GALNTL6: variants seen among roughly 807,000 people sequenced by gnomAD.
The protein encoded by GALNTL6 is polypeptide N-acetylgalactosaminyltransferase like 6.
GALNTL6 carries 46 observed loss-of-function variants against 73.7 expected under a neutral mutation model. That is an observed-to-expected ratio of 0.62 (90% CI 0.49 to 0.80). The LOEUF is 0.80. Ranked by LOEUF, GALNTL6 falls within the 30% of genes least tolerant of loss-of-function variation. The pLI, the probability that GALNTL6 is intolerant of heterozygous loss-of-function variation, is 0.00. For missense variants in GALNTL6, 604 were observed against 755.0 expected, an observed-to-expected ratio of 0.80 and a Z score of 2.34; for synonymous variants, 259 against 263.7, an observed-to-expected ratio of 0.98 and a Z score of 0.17.
intron 5 of GALNTL6, among the ~76,000 whole-genome samples, chr4:172,784,832 C>A (rs559697750): frequency 6.6e-6 from 1 of 152,246 alleles, no homozygotes; most frequent in African/African-American, 2.4e-5. Context: ...AAAGCTTTCA[C>A]AAACATAATT....
chr4:172,346,988 C>CTTTTTTTTTTTTTTTTTTTTTTTTTT (rs34332250), intron 4 of GALNTL6, among the ~76,000 whole-genome samples: 1 of 114,410 alleles, frequency 8.7e-6, no homozygotes, highest in African/African-American at 3.5e-5. Context: ...TGTTTTCTTT[C>CTTTTTTTTTTTTTTTTTTTTTTTTTT]TTTTTTTTTT....
At chr4:171,985,740 T>TTATATATATATATATA (rs144030359) in intron 2 of GALNTL6, among the ~76,000 whole-genome samples, 15 of 148,114 alleles carry the variant, frequency 1.0e-4, no homozygotes, top group African/African-American at 3.5e-4. Context: ...CTCTATAAAA[T>TTATATATATATATATA]TATATATATA....
intron 5 of GALNTL6, among the ~76,000 whole-genome samples, chr4:172,352,251 T>C (rs1741968339): frequency 6.6e-6 from 1 of 152,164 alleles, no homozygotes; most frequent in South Asian, 2.1e-4. Context: ...GCATATTCCA[T>C]CTTGCAGTTC....
chr4:172,350,044 C>T (rs1741890467), intron 5 of GALNTL6, among the ~76,000 whole-genome samples: 1 of 151,980 alleles, frequency 6.6e-6, no homozygotes, highest in South Asian at 2.1e-4. Context: ...TCAAAGCAGT[C>T]ATCATTATTA....
At chr4:172,210,555 T>C (rs1736287544) in intron 2 of GALNTL6, among the ~76,000 whole-genome samples, 1 of 152,128 alleles carries the variant, frequency 6.6e-6, no homozygotes, top group Admixed American at 6.5e-5. Flanking sequence ...TAGATGGGAT[T>C]ATGTGTTTGG....
At chr4:171,882,004 G>T (rs1041547632) in intron 2 of GALNTL6, among the ~76,000 whole-genome samples, 2 of 152,046 alleles carry the variant, frequency 1.3e-5, no homozygotes, top group African/African-American at 4.8e-5. Flanking sequence ...ATATAAATTT[G>T]ACCTTTGAGA....
Position 172,705,412 on chromosome 4 carries a change from C to A in GALNTL6, c.554-103949C>A, listed in dbSNP as rs368517529. Among the ~76,000 whole-genome samples, 656 of 150,096 alleles carry A rather than the reference C, an allele frequency of 4.4e-3. 7 individuals carry two copies. Among genetic ancestry groups the A allele is most frequent in the African/African-American group, 0.015 (608 of 40,636 alleles). On this transcript the variant is annotated intron_variant, in intron 5 of 12. Transcript: ENST00000506823. Reference sequence around the variant, plus strand: ...TAACAAAGTTATTTTAAACGGATAACAACTTTATTTTGATCATAAAGAAAA... The same window carrying A: ...TAACAAAGTTATTTTAAACGGATAAAAACTTTATTTTGATCATAAAGAAAA...
intron 3 of GALNTL6, among the ~76,000 whole-genome samples, chr4:172,308,693 A>T (rs982282057): frequency 6.6e-6 from 1 of 152,156 alleles, no homozygotes; most frequent in African/African-American, 2.4e-5. Context: ...AATGACATAG[A>T]TCTAGTTAAA....
chr4:173,022,477 T>C (rs1474146445), intron 12 of GALNTL6, among the ~76,000 whole-genome samples: 1 of 152,242 alleles, frequency 6.6e-6, no homozygotes, highest in Non-Finnish European at 1.5e-5. Flanking sequence ...AAACCACGCA[T>C]ACATAATTTT....
At chr4:172,136,234 A>G (rs1733632734) in intron 2 of GALNTL6, among the ~76,000 whole-genome samples, 1 of 152,050 alleles carries the variant, frequency 6.6e-6, no homozygotes, top group Non-Finnish European at 1.5e-5. Context: ...AAAATCTGAA[A>G]CTATTTGATA....
intron 5 of GALNTL6, 84 bp downstream of exon 5, chr4:172,348,773 C>A: frequency 1.2e-6 from 1 of 827,694 alleles, no homozygotes; most frequent in Non-Finnish European, 1.8e-6. Flanking sequence ...ACAATGGGAG[C>A]TTCTTTCTGA....
intron 10 of GALNTL6, among the ~76,000 whole-genome samples, chr4:172,958,820 G>A (rs1175189987): frequency 6.6e-6 from 1 of 152,130 alleles, no homozygotes; most frequent in East Asian, 1.9e-4. Context: ...CTGGGGTGAA[G>A]GGTACAAAGC....
intron 2 of GALNTL6, among the ~76,000 whole-genome samples, chr4:171,857,405 A>G (rs1007650520): frequency 2.0e-5 from 3 of 152,110 alleles, no homozygotes; most frequent in African/African-American, 7.2e-5. Flanking sequence ...GGTAAGAAAA[A>G]ATGTTTCAGA....
chr4:172,256,338 C>G (rs1040146633), intron 3 of GALNTL6, among the ~76,000 whole-genome samples: 15 of 151,404 alleles, frequency 9.9e-5, no homozygotes, highest in African/African-American at 3.6e-4. Context: ...TCTAGAATAG[C>G]CTCCTGTCTC....
At chr4:172,540,480 T>C (rs147783485) in intron 5 of GALNTL6, among the ~76,000 whole-genome samples, 4 of 152,216 alleles carry the variant, frequency 2.6e-5, no homozygotes, top group African/African-American at 9.6e-5. Context: ...ATAAAAAATA[T>C]TGTAAAGAGG....
chr4:171,926,479 A>C (rs973209781), intron 2 of GALNTL6, among the ~76,000 whole-genome samples: 2 of 152,096 alleles, frequency 1.3e-5, no homozygotes, highest in African/African-American at 4.8e-5. Flanking sequence ...TTAATGTGTT[A>C]GAATTCCAAC....
intron 5 of GALNTL6, chr4:172,380,512 C>A: frequency 2.3e-6 from 1 of 432,236 alleles, no homozygotes; most frequent in South Asian, 2.2e-5. Context: ...AGTTGGGTCT[C>A]TGGTCTCTAA....
chr4:172,985,821 C>T lies in GALNTL6; in HGVS notation c.1372-23357C>T, dbSNP rs536828509. 3.9e-5 allele frequency among the ~76,000 whole-genome samples: 6 copies of T among 152,292 alleles called. No homozygotes were observed. In the South Asian group the frequency reaches 1.0e-3, roughly 26 times the overall value. ...TTCAGGATCTGAAAAATACCTCAAA[C>T]ATCAATCTTAGGTTTTACAGTAGTG... On this transcript the variant is annotated intron_variant, in intron 10 of 12. Coordinates refer to ENST00000506823, the MANE Select transcript of GALNTL6 (RefSeq NM_001034845.3).
intron 5 of GALNTL6, among the ~76,000 whole-genome samples, chr4:172,805,682 A>G (rs1239839500): frequency 6.6e-6 from 1 of 152,224 alleles, no homozygotes; most frequent in Non-Finnish European, 1.5e-5. Context: ...GAAGTTCAAA[A>G]GTGATCTTCA....
Sources: allele counts gnomAD v4.1 joint callset (sites outside exome capture counted in the v4.1 genomes callset), GRCh38; gene constraint gnomAD v4.1.1; transcripts MANE v1.5; gene names NCBI Gene and HGNC (gene_info 2026-07-23, HGNC 2026-07-21).